The following ACAN variants were observed in gnomAD, a reference collection of about 807,000 sequenced individuals.
The protein encoded by ACAN is aggrecan core protein.
ACAN carries 47 observed loss-of-function variants against 169.1 expected under a neutral mutation model. That is an observed-to-expected ratio of 0.28 (90% CI 0.22 to 0.35). The LOEUF (loss-of-function observed/expected upper bound fraction) is 0.35, where lower values mean the gene tolerates loss of function less well. Ranked by LOEUF, ACAN falls within the 10% of genes least tolerant of loss-of-function variation. The pLI, the probability that ACAN is intolerant of heterozygous loss-of-function variation, is 1.00. For synonymous variants in ACAN, 1,115 were observed against 1,112.2 expected, an observed-to-expected ratio of 1.00 and a Z score of -0.05; for missense variants, 2,716 against 2,759.9, an observed-to-expected ratio of 0.98 and a Z score of 0.36.
Position 88,874,443 on chromosome 15 carries a change from C to T in ACAN, c.7669C>T (p.Arg2557Trp), listed in dbSNP as rs1197846362. Reference protein sequence around the residue: ...YKRRLQKRSSRHPRRSRPSTA... With the variant: ...YKRRLQKRSSWHPRRSRPSTA... ...ACGCAGACTACAGAAGCGGAGCTCACGGCACCCTCGGAGGAGCCGCCCCAG... is the reference window on the plus strand; with the variant it reads ...ACGCAGACTACAGAAGCGGAGCTCATGGCACCCTCGGAGGAGCCGCCCCAG... Residue 2557 changes from arginine (R) to tryptophan (W), a missense_variant, in exon 19 of 19, where the codon CGG becomes TGG. Arg to Trp is a moderately radical substitution (Grantham distance 101). This residue lies in a region of ACAN where 1,389 missense variants were observed against 1,363.7 expected (regional missense o/e 1.02). Coordinates refer to ENST00000560601, the MANE Select transcript of ACAN (RefSeq NM_001369268.1). This position sits in a 1 kb window ranked among gnomAD's most constrained non-coding sequence, Gnocchi z 7.3. 6.2e-6 allele frequency: 10 copies of T among 1,606,948 alleles called. No individual in the cohort carries two copies. Among genetic ancestry groups the T allele is most frequent in the Non-Finnish European group, 3.4e-6 (4 of 1,177,214 alleles).
At chr15:88,833,379 C>T (rs1896413749) in intron 1 of ACAN, among the ~76,000 whole-genome samples, 1 of 152,158 alleles carries the variant, frequency 6.6e-6, no homozygotes, top group Admixed American at 6.5e-5. Context: ...TCCCCAAGCT[C>T]CCCTCTCCAC....
chr15:88,827,630 A>G (rs1896256891), intron 1 of ACAN, among the ~76,000 whole-genome samples: 1 of 152,222 alleles, frequency 6.6e-6, no homozygotes, highest in Non-Finnish European at 1.5e-5. Context: ...CTCAGTGCCC[A>G]TAGTAGGTGC....
At chr15:88,821,985 G>C (rs749701912) in intron 1 of ACAN, among the ~76,000 whole-genome samples, 1 of 152,210 alleles carries the variant, frequency 6.6e-6, no homozygotes, top group Non-Finnish European at 1.5e-5. Context: ...TTCTAGAGGA[G>C]TCATGCAGAC....
At chr15:88,803,872 A>G (rs1268172250) in intron 1 of ACAN, 63 bp downstream of exon 1, 2 of 152,310 alleles carry the variant, frequency 1.3e-5, no homozygotes, top group African/African-American at 2.4e-5. Flanking sequence ...CAGGAACGGG[A>G]CTGAGACTGC....
chr15:88,860,535 G>T (rs370443254), intron 13 of ACAN, 96 bp downstream of exon 13: 49 of 971,736 alleles, frequency 5.0e-5, no homozygotes, highest in East Asian at 3.7e-4. Context: ...GGCAACCAAG[G>T]TCCACTGAGG....
At position 88,866,531 on chromosome 15, in the gene ACAN, GAACAGTTCCAACTT is replaced by G. The variant is rs1897283160; in HGVS notation, c.6947-1684_6947-1671del. ...CCTCCATGCATTTTGGGTTTGCTTGGAACAGTTCCAACTTGGAACTGTTGGTTCTAGTCTATGGT... is the reference window on the plus strand; with the variant it reads ...CCTCCATGCATTTTGGGTTTGCTTGGGGAACTGTTGGTTCTAGTCTATGGT... On this transcript the variant is annotated intron_variant, in intron 13 of 18. Coordinates refer to ENST00000560601, the MANE Select transcript of ACAN (RefSeq NM_001369268.1). This position sits in a 1 kb window ranked among gnomAD's most constrained non-coding sequence, Gnocchi z 5.6. Among the ~76,000 whole-genome samples, 1 of 152,096 alleles carries G rather than the reference GAACAGTTCCAACTT, an allele frequency of 6.6e-6. No homozygotes were observed. Among genetic ancestry groups the G allele is most frequent in the African/African-American group, 2.4e-5 (1 of 41,416 alleles).
At position 88,872,015 on chromosome 15, in the gene ACAN, A is replaced by T. The variant is rs767547523; in HGVS notation, c.7232A>T (p.Asp2411Val). ...ACCCTTTCCCCAGACAATGCCCAAG[A>T]CTACCAGTGGATCGGCCTGAACGAC... ...EQEFVNNNAQ[D>V]YQWIGLNDRT... Residue 2411 changes from aspartate (D) to valine (V), a missense_variant, in exon 16 of 19, where the codon GAC becomes GTC. Asp to Val is a radical substitution (Grantham distance 152). Around this residue, in one of 3 missense-constraint regions of ACAN, gnomAD observed 1,389 missense variants for 1,363.7 expected, o/e 1.02. Coordinates refer to ENST00000560601, the MANE Select transcript of ACAN (RefSeq NM_001369268.1). This position sits in a 1 kb window ranked among gnomAD's most constrained non-coding sequence, Gnocchi z 5.4. 4 of 1,613,782 alleles carry T rather than the reference A, an allele frequency of 2.5e-6. No homozygotes were observed. Among genetic ancestry groups the T allele is most frequent in the Non-Finnish European group, 3.4e-6 (4 of 1,179,868 alleles).
rs1186997354 is a variant in ACAN at position 88,874,280 on chromosome 15, G to A, written c.7631-125G>A. 9 of 1,109,232 alleles carry A rather than the reference G, an allele frequency of 8.1e-6. No individual in the cohort carries two copies. The highest frequency in any genetic ancestry group is 4.7e-5 in the African/African-American group (3 of 63,832). 68.7% of individuals were successfully genotyped at this position (1,109,232 alleles called of 1,614,324 possible). On this transcript the variant is annotated intron_variant, in intron 18 of 18. Transcript: ENST00000560601. The surrounding 1 kb of genome is among the most constrained non-coding windows in gnomAD (Gnocchi z 7.3). Reference sequence around the variant, plus strand: ...AAGAAAAATCCAAATCAGGAAAGCCGATAAAGCCTCAGGCGCCTGAGTCCT... The same window carrying A: ...AAGAAAAATCCAAATCAGGAAAGCCAATAAAGCCTCAGGCGCCTGAGTCCT...
At chr15:88,822,297 G>A (rs1312002265) in intron 1 of ACAN, among the ~76,000 whole-genome samples, 1 of 152,176 alleles carries the variant, frequency 6.6e-6, no homozygotes, top group Admixed American at 6.5e-5. Context: ...AGGGTCAAGG[G>A]CCCAACCTTT....
Position 88,843,443 on chromosome 15 carries a change from C to T in ACAN, c.846C>T (p.Thr282=), listed in dbSNP as rs1896715194. 3 of 1,609,568 alleles carry T rather than the reference C, an allele frequency of 1.9e-6. No individual in the cohort carries two copies. The highest frequency in any genetic ancestry group is 2.7e-5 in the African/African-American group (2 of 74,954). The change falls in exon 6 of 19, where the codon ACC becomes ACT. Residue 282 remains threonine, a synonymous_variant. Coordinates refer to ENST00000560601, the MANE Select transcript of ACAN (RefSeq NM_001369268.1). This position sits in a 1 kb window ranked among gnomAD's most constrained non-coding sequence, Gnocchi z 4.0. ...GGCGGCTGGGTGCCCGGCTGGCCAC[C>T]ACGGGCCAGCTCTACCTGGCCTGGC... ...ECRRLGARLA[T]TGQLYLAWQA...
Position 88,866,714 on chromosome 15 carries a change from G to C in ACAN, c.6947-1502G>C, listed in dbSNP as rs1897285877. ...GTTGCACAAATCCGCCTCTGGCCTA[G>C]AAGATGTCTACTATGCACCAGCGTA... On this transcript the variant is annotated intron_variant, in intron 13 of 18. Transcript: ENST00000560601. This position sits in a 1 kb window ranked among gnomAD's most constrained non-coding sequence, Gnocchi z 5.6. Among the ~76,000 whole-genome samples the C allele has an allele frequency of 6.6e-6, 1 of 152,190 alleles. No individual in the cohort carries two copies. The highest frequency in any genetic ancestry group is 6.5e-5 in the Admixed American group (1 of 15,268).
chr15:88,859,643 T>A (rs1897151446), intron 12 of ACAN, among the ~76,000 whole-genome samples: 1 of 152,178 alleles, frequency 6.6e-6, no homozygotes, highest in African/African-American at 2.4e-5. Flanking sequence ...CATAGATAGA[T>A]AAAGCAAGCA....
chr15:88,840,970 C>T (rs1166080607), intron 4 of ACAN, among the ~76,000 whole-genome samples: 2 of 152,040 alleles, frequency 1.3e-5, no homozygotes, highest in South Asian at 2.1e-4. Flanking sequence ...TGGTGAAACC[C>T]CATCTCTACT....
At chr15:88,840,215 G>A in intron 4 of ACAN, 29 bp downstream of exon 4, 2 of 1,550,854 alleles carry the variant, frequency 1.3e-6, no homozygotes, top group Non-Finnish European at 8.7e-7. Flanking sequence ...GCTAGTGGGG[G>A]CCAGGAGTCA....
chr15:88,811,666 C>G (rs779337703), intron 1 of ACAN, among the ~76,000 whole-genome samples: 55 of 152,268 alleles, frequency 3.6e-4, no homozygotes, highest in Non-Finnish European at 6.8e-4. Context: ...ACCTGGCCAC[C>G]TGCCTCCCCT....
At chr15:88,840,288 G>A in intron 4 of ACAN, 102 bp downstream of exon 4, 1 of 1,379,174 alleles carries the variant, frequency 7.3e-7, no homozygotes. Context: ...GCTGGTGCCA[G>A]CATGACACTG....
At chr15:88,860,281 G>A (rs1468962202) in intron 12 of ACAN, 45 bp from the exon 13 acceptor site, 1 of 1,430,112 alleles carries the variant, frequency 7.0e-7, no homozygotes, top group African/African-American at 1.4e-5. Context: ...ATGGTAGCCA[G>A]GTGACTGTGT....
intron 1 of ACAN, among the ~76,000 whole-genome samples, chr15:88,832,746 T>C (rs1896396072): frequency 6.6e-6 from 1 of 152,222 alleles, no homozygotes. Context: ...AGTCATCTGG[T>C]CCAACCCTCA....
At chr15:88,827,010 A>G (rs529324266) in intron 1 of ACAN, among the ~76,000 whole-genome samples, 58 of 152,260 alleles carry the variant, frequency 3.8e-4, no homozygotes, top group South Asian at 6.2e-4. Context: ...CTTCCTTCCT[A>G]TGAAGACTGT....
Sources: allele counts gnomAD v4.1 joint callset (sites outside exome capture counted in the v4.1 genomes callset), GRCh38; gene constraint gnomAD v4.1.1; regional missense constraint gnomAD v4.1.1; non-coding constraint Gnocchi (gnomAD v3.1); transcripts MANE v1.5; gene names NCBI Gene and HGNC (gene_info 2026-07-23, HGNC 2026-07-21).